Variants in KIF6 observed in about 807,000 individuals in gnomAD.
The protein encoded by KIF6 is kinesin family member 6.
A neutral mutation model predicts 112.7 loss-of-function variants in KIF6; 106 were observed. The ratio of observed to expected loss-of-function variants is 0.94; its 90% CI spans 0.80 to 1.11. The LOEUF (loss-of-function observed/expected upper bound fraction) is 1.11, where lower values mean the gene tolerates loss of function less well. KIF6 is among the 50% of genes least tolerant of loss of function. The pLI, the probability that KIF6 is intolerant of heterozygous loss-of-function variation, is 0.00. For missense variants in KIF6, 929 were observed against 964.0 expected (o/e 0.96, Z 0.48); for synonymous variants, 339 against 339.9 (o/e 1.00, Z 0.03).
chr6:39,557,546 G>T (rs1201998072), intron 10 of KIF6, among the ~76,000 whole-genome samples: 1 of 152,130 alleles, frequency 6.6e-6, no homozygotes, highest in Non-Finnish European at 1.5e-5. Flanking sequence ...ATGGGAAGAT[G>T]CAGGATTGTA....
chr6:39,446,987 C>A (rs1772370763), intron 13 of KIF6, among the ~76,000 whole-genome samples: 1 of 152,134 alleles, frequency 6.6e-6, no homozygotes, highest in Non-Finnish European at 1.5e-5. Flanking sequence ...GTTATAATTA[C>A]CATCATAAGT....
At chr6:39,397,985 C>G (rs1768398158) in intron 15 of KIF6, among the ~76,000 whole-genome samples, 1 of 152,138 alleles carries the variant, frequency 6.6e-6, no homozygotes, top group Non-Finnish European at 1.5e-5. Flanking sequence ...TTACAAGCTT[C>G]AGGTTGAATC....
chr6:39,360,776 G>A (rs1216229588), intron 17 of KIF6, among the ~76,000 whole-genome samples: 1 of 152,172 alleles, frequency 6.6e-6, no homozygotes, highest in Non-Finnish European at 1.5e-5. Context: ...GAGATGAATA[G>A]CCTCTCCCCC....
At chr6:39,483,184 C>T (rs1430682058) in intron 13 of KIF6, among the ~76,000 whole-genome samples, 1 of 152,236 alleles carries the variant, frequency 6.6e-6, no homozygotes, top group Non-Finnish European at 1.5e-5. Context: ...TTGCTCCCTG[C>T]TGATCTTTTG....
chr6:39,354,133 A>T, intron 19 of KIF6: 3 of 353,500 alleles, frequency 8.5e-6, no homozygotes, highest in East Asian at 1.7e-4. Flanking sequence ...GATGGAAGGC[A>T]TGGCTAGCAT....
intron 6 of KIF6, among the ~76,000 whole-genome samples, chr6:39,611,430 T>C (rs1050594992): frequency 3.3e-5 from 5 of 152,194 alleles, no homozygotes; most frequent in African/African-American, 9.6e-5. Context: ...TGAAACCATG[T>C]AGTTAAAGTT....
chr6:39,594,568 C>T (rs1300664640), intron 7 of KIF6, among the ~76,000 whole-genome samples: 1 of 152,202 alleles, frequency 6.6e-6, no homozygotes, highest in Admixed American at 6.5e-5. Context: ...TGCTGCCTGA[C>T]TGGGATTCAT....
At chr6:39,687,700 A>T (rs959368905) in intron 3 of KIF6, among the ~76,000 whole-genome samples, 1 of 152,222 alleles carries the variant, frequency 6.6e-6, no homozygotes. Flanking sequence ...TATACATATT[A>T]TCATACTTAG....
At chr6:39,682,346 T>C (rs1200195606) in intron 3 of KIF6, among the ~76,000 whole-genome samples, 1 of 152,174 alleles carries the variant, frequency 6.6e-6, no homozygotes, top group Non-Finnish European at 1.5e-5. Flanking sequence ...GGTACAAACA[T>C]GTGCAGGATG....
intron 3 of KIF6, among the ~76,000 whole-genome samples, chr6:39,652,298 G>A (rs550998211): frequency 6.6e-6 from 1 of 152,246 alleles, no homozygotes; most frequent in Admixed American, 6.5e-5. Context: ...GGGAGGCCAA[G>A]CAGGTGGATT....
chr6:39,489,207 T>C (rs2150472368), intron 13 of KIF6, among the ~76,000 whole-genome samples: 1 of 152,352 alleles, frequency 6.6e-6, no homozygotes, highest in Non-Finnish European at 1.5e-5. Flanking sequence ...TTTGAATATT[T>C]GAATTTCTTT....
intron 13 of KIF6, among the ~76,000 whole-genome samples, chr6:39,530,547 C>T (rs1777992555): frequency 6.6e-6 from 1 of 152,146 alleles, no homozygotes; most frequent in African/African-American, 2.4e-5. Context: ...ACAAAAAGCC[C>T]CAAAGCCCCT....
chr6:39,553,706 G>C (rs1458811165), intron 10 of KIF6: 1 of 152,146 alleles, frequency 6.6e-6, no homozygotes, highest in Non-Finnish European at 1.5e-5. Context: ...TTTACTTAAA[G>C]GTATATATGT....
chr6:39,540,609 G>A (rs1472267154), intron 12 of KIF6, among the ~76,000 whole-genome samples: 4 of 152,250 alleles, frequency 2.6e-5, no homozygotes, highest in Non-Finnish European at 4.4e-5. Context: ...TCAGCCCCCT[G>A]GGCGAGCACG....
intron 13 of KIF6, among the ~76,000 whole-genome samples, chr6:39,477,792 C>T (rs796879301): frequency 4.1e-4 from 63 of 152,032 alleles, no homozygotes; most frequent in African/African-American, 1.0e-3. Flanking sequence ...TCCCGGGAGG[C>T]GGAGGTTGCA....
At chr6:39,659,704 T>C (rs1193264277) in intron 3 of KIF6, among the ~76,000 whole-genome samples, 1 of 152,206 alleles carries the variant, frequency 6.6e-6, no homozygotes, top group Admixed American at 6.5e-5. Context: ...GAAGGACATG[T>C]TTGCTTCGCC....
At chr6:39,693,934 A>C (rs2113812258) in intron 3 of KIF6, among the ~76,000 whole-genome samples, 1 of 152,288 alleles carries the variant, frequency 6.6e-6, no homozygotes, top group African/African-American at 2.4e-5. Flanking sequence ...ATACCAGCAA[A>C]CCAAATCCAG....
intron 13 of KIF6, among the ~76,000 whole-genome samples, chr6:39,479,794 A>G (rs532641996): frequency 6.6e-6 from 1 of 151,192 alleles, no homozygotes; most frequent in South Asian, 2.1e-4. Context: ...ATTTTATTAT[A>G]TTTTATTTTT....
At chr6:39,599,939 G>A (rs755383283) in intron 6 of KIF6, among the ~76,000 whole-genome samples, 3 of 152,184 alleles carry the variant, frequency 2.0e-5, no homozygotes, top group Non-Finnish European at 4.4e-5. Context: ...GTAATATGCT[G>A]TAGGAGTCCG....
Sources: allele counts gnomAD v4.1 joint callset (sites outside exome capture counted in the v4.1 genomes callset), GRCh38; gene constraint gnomAD v4.1.1; transcripts MANE v1.5; gene names NCBI Gene and HGNC (gene_info 2026-07-23, HGNC 2026-07-21).